TEKTL1: variants seen among roughly 807,000 people sequenced by gnomAD.
The protein encoded by TEKTL1 is tektin like 1.
At chr19:15,010,877 GC>G in the TEKTL1 span, 1 of 1,559,182 alleles carries the variant, frequency 6.4e-7, no homozygotes, top group South Asian at 1.2e-5. Context: ...ACGCGTTGGG[GC>G]CCCAGCATGG....
the TEKTL1 span, chr19:15,021,214 C>G: frequency 1.0e-5 from 11 of 1,062,952 alleles, no homozygotes; most frequent in Non-Finnish European, 1.5e-5. Context: ...CACTATCCCC[C>G]GCGCCCCCTG....
At chr19:15,022,722 G>T in the TEKTL1 span, 10 of 523,170 alleles carry the variant, frequency 1.9e-5, no homozygotes, top group Middle Eastern at 5.7e-4. Flanking sequence ...CCCTGTCGCG[G>T]TTTTTTTTTT....
At chr19:15,022,360 G>A in the TEKTL1 span, among the ~76,000 whole-genome samples, 5 of 151,974 alleles carry the variant, frequency 3.3e-5, no homozygotes, top group Middle Eastern at 3.2e-3. Context: ...ACAGACTCTC[G>A]CTCTGTCGCC....
At chr19:15,020,476 C>T in the TEKTL1 span, 18 of 1,613,024 alleles carry the variant, frequency 1.1e-5, no homozygotes, top group African/African-American at 8.0e-5. Flanking sequence ...GGCCTCCTGC[C>T]GAGACACTCT....
the TEKTL1 span, chr19:15,013,856 G>A: frequency 1.2e-6 from 1 of 810,980 alleles, no homozygotes; most frequent in South Asian, 1.5e-5. Context: ...TCTGACCTGG[G>A]GACTGTCACA....
the TEKTL1 span, chr19:15,013,883 G>C: frequency 6.0e-6 from 4 of 672,048 alleles, no homozygotes; most frequent in African/African-American, 1.8e-5. Flanking sequence ...ATTCCTTCAA[G>C]CCACACTGAC....
At chr19:15,011,020 C>A in the TEKTL1 span, 3 of 1,582,358 alleles carry the variant, frequency 1.9e-6, no homozygotes, top group Middle Eastern at 1.7e-4. Flanking sequence ...TCGGCCGCGC[C>A]GCCTACATCC....
the TEKTL1 span, among the ~76,000 whole-genome samples, chr19:15,020,826 C>T: frequency 6.6e-6 from 1 of 152,088 alleles, no homozygotes; most frequent in African/African-American, 2.4e-5. Context: ...CAGCTTTTCC[C>T]CCTGCACTCT....
the TEKTL1 span, chr19:15,021,257 C>G: frequency 1.3e-6 from 2 of 1,484,532 alleles, no homozygotes; most frequent in South Asian, 1.3e-5. Flanking sequence ...AAAACCCCCT[C>G]GCCCAGGGCC....
At chr19:15,011,420 C>T in the TEKTL1 span, 1 of 1,402,236 alleles carries the variant, frequency 7.1e-7, no homozygotes, top group East Asian at 2.9e-5. Flanking sequence ...CACGCCCAAC[C>T]CCAGCCTAAC....
chr19:15,021,466 G>C, the TEKTL1 span: 67 of 1,614,082 alleles, frequency 4.2e-5, no homozygotes, highest in Non-Finnish European at 5.4e-5. Context: ...GCAGATAAGC[G>C]ACCGTGTGTG....
At chr19:15,019,010 G>A in the TEKTL1 span, among the ~76,000 whole-genome samples, 1 of 151,956 alleles carries the variant, frequency 6.6e-6, no homozygotes, top group South Asian at 2.1e-4. Flanking sequence ...GTGCAGTGGT[G>A]CAATCATGGC....
At chr19:15,022,464 G>A in the TEKTL1 span, among the ~76,000 whole-genome samples, 9 of 151,944 alleles carry the variant, frequency 5.9e-5, no homozygotes, top group Non-Finnish European at 1.2e-4. Flanking sequence ...GAGTAGCTGG[G>A]ATTACAGGTG....
chr19:15,021,833 AC>A, the TEKTL1 span: 3 of 1,613,824 alleles, frequency 1.9e-6, no homozygotes, highest in Non-Finnish European at 1.7e-6. Context: ...TCACCTGGAG[AC>A]CGCAGAAAAG....
chr19:15,022,883 C>A, the TEKTL1 span: 1 of 1,594,748 alleles, frequency 6.3e-7, no homozygotes, highest in Non-Finnish European at 8.5e-7. Context: ...CACCGACAAG[C>A]TGCAGTGCCA....
At chr19:15,011,493 G>A in the TEKTL1 span, 3 of 1,118,058 alleles carry the variant, frequency 2.7e-6, no homozygotes, top group Non-Finnish European at 3.5e-6. Flanking sequence ...CCATACTTTG[G>A]GAGGCCAAGG....
At chr19:15,011,092 A>C in the TEKTL1 span, 5 of 1,569,028 alleles carry the variant, frequency 3.2e-6, no homozygotes, top group Non-Finnish European at 3.4e-6. Context: ...AGCCGCCGCC[A>C]GGCGAGGGCG....
chr19:15,021,389 T>C, the TEKTL1 span: 7 of 1,614,228 alleles, frequency 4.3e-6, no homozygotes, highest in East Asian at 1.3e-4. Context: ...AAGCGGTTGT[T>C]GGTCGAGTCC....
the TEKTL1 span, among the ~76,000 whole-genome samples, chr19:15,018,715 A>AAAATATATATATATATATATAT: frequency 4.4e-5 from 3 of 68,252 alleles, no homozygotes; most frequent in Admixed American, 1.6e-4. Flanking sequence ...CCTATCTCAA[A>AAAATATATATATATATATATAT]ATATGTATAT....
Sources: allele counts gnomAD v4.1 joint callset (sites outside exome capture counted in the v4.1 genomes callset), GRCh38; gene constraint gnomAD v4.1.1; transcripts MANE v1.5; gene names NCBI Gene and HGNC (gene_info 2026-07-23, HGNC 2026-07-21).